TENT4A: variants seen among roughly 807,000 people sequenced by gnomAD.
The protein encoded by TENT4A is DNA polymerase kappa.
A neutral mutation model predicts 72.8 loss-of-function variants in TENT4A; 7 were observed. The ratio of observed to expected loss-of-function variants is 0.10; its 90% confidence interval spans 0.05 to 0.18. The LOEUF is 0.18. Among genes scored for constraint, TENT4A ranks in the 10% least tolerant of loss-of-function variants. The pLI is 1.00. For synonymous variants in TENT4A, 456 were observed against 434.3 expected (o/e 1.05, Z -0.62); for missense variants, 831 against 1,017.7 (o/e 0.82, Z 2.50).
chr5:6,713,842 CCCGCCG>C lies in TENT4A; in HGVS notation c.-121_-116del, dbSNP rs541247870. ...GAGCAGGAGGCCGGGGCTCGGCCCG[CCCGCCG>C]CCGCCGCCGCCGCCGCCGCCACCGG... On this transcript the variant is annotated 5_prime_UTR_variant, in exon 1 of 13. Coordinates refer to ENST00000230859, the MANE Select transcript of TENT4A (RefSeq NM_006999.6). The C allele has an allele frequency of 0.4, 63,038 of 156,272 alleles. 13,527 individuals carry two copies. The highest frequency in any genetic ancestry group is 0.49 in the East Asian group (2,384 of 4,838). 9.7% of individuals were successfully genotyped at this position (156,272 alleles called of 1,614,324 possible).
In TENT4A at chr5:6,739,764, A is replaced by C. The variant is rs143476341; in HGVS notation, c.920A>C (p.Glu307Ala). 1.5e-5 allele frequency: 25 copies of C among 1,613,970 alleles called. No homozygotes were observed. The African/African-American group carries it at 3.2e-4, about 21-fold the overall frequency. ...GACCTGGTGGTCTTCGGGAAATGGGAGCGTCCTCCTTTACAGCTGCTGGAG... is the reference window on the plus strand; with the variant it reads ...GACCTGGTGGTCTTCGGGAAATGGGCGCGTCCTCCTTTACAGCTGCTGGAG... Reference protein sequence around the residue: ...DIDLVVFGKWERPPLQLLEQA... With the variant: ...DIDLVVFGKWARPPLQLLEQA... Residue 307 changes from glutamate to alanine, a missense_variant, in exon 4 of 13, where the codon GAG becomes GCG. Glu to Ala is a moderately radical substitution (Grantham distance 107, BLOSUM62 -1). Transcript: ENST00000230859.
intron 1 of TENT4A, among the ~76,000 whole-genome samples, chr5:6,716,089 C>G (rs1288001345): frequency 6.6e-6 from 1 of 152,190 alleles, no homozygotes; most frequent in Non-Finnish European, 1.5e-5. Flanking sequence ...CTCTGCCAGT[C>G]TTGGGTTGTA....
At chr5:6,715,717 C>T (rs1281150192) in intron 1 of TENT4A, among the ~76,000 whole-genome samples, 1 of 152,210 alleles carries the variant, frequency 6.6e-6, no homozygotes, top group Non-Finnish European at 1.5e-5. Flanking sequence ...AACTCTTTTT[C>T]TCATTTGAAG....
chr5:6,719,479 G>A (rs1206724575), intron 1 of TENT4A, among the ~76,000 whole-genome samples: 3 of 152,216 alleles, frequency 2.0e-5, no homozygotes, highest in African/African-American at 7.2e-5. Context: ...CAGACTTGCA[G>A]AAGATTGAAG....
chr5:6,714,963 TGA>T, intron 1 of TENT4A: 1 of 212,928 alleles, frequency 4.7e-6, no homozygotes, highest in Non-Finnish European at 9.2e-6. Context: ...TTTTTACTCT[TGA>T]GATTGGAACG....
chr5:6,740,208 C>G (rs1456323054), intron 4 of TENT4A, among the ~76,000 whole-genome samples: 1 of 152,136 alleles, frequency 6.6e-6, no homozygotes, highest in East Asian at 1.9e-4. Flanking sequence ...GAGAGTGTGG[C>G]TCAATGATTA....
At position 6,713,570 on chromosome 5, in the gene TENT4A, G is replaced by C. The variant is rs187623656; in HGVS notation, c.-414G>C. 0.34 allele frequency: 50,224 copies of C among 146,730 alleles called. 8,774 individuals are homozygous for C. The highest frequency in any genetic ancestry group is 0.41 in the East Asian group (2,000 of 4,920). The allele number at this position is 146,730 out of a possible 1,614,324, so 9.1% of individuals were successfully genotyped here. A position where few individuals can be genotyped will look rare whatever the true frequency, so the allele number is the denominator to read the frequency against. On this transcript the variant is annotated 5_prime_UTR_variant, in exon 1 of 13. Coordinates refer to ENST00000230859, the MANE Select transcript of TENT4A (RefSeq NM_006999.6). ...GGCGCCTCCCGCGGGTCCTTCAGCC[G>C]CTCGGCGCCTGGGCCCGCCCCCTCG...
chr5:6,731,438 A>T (rs1297367899), intron 1 of TENT4A, among the ~76,000 whole-genome samples: 1 of 152,164 alleles, frequency 6.6e-6, no homozygotes, highest in East Asian at 1.9e-4. Context: ...AGAACTGTAG[A>T]CCTGAGTGTT....
At chr5:6,753,409 GA>G (rs1281370350) in intron 12 of TENT4A, among the ~76,000 whole-genome samples, 3 of 152,244 alleles carry the variant, frequency 2.0e-5, no homozygotes, top group Non-Finnish European at 2.9e-5. Context: ...ATCTTGCCAT[GA>G]TGTCCCGTGT....
chr5:6,739,626 C>G, intron 3 of TENT4A, 106 bp from the exon 4 acceptor site: 1 of 1,404,758 alleles, frequency 7.1e-7, no homozygotes, highest in Non-Finnish European at 9.8e-7. Flanking sequence ...GTGTCTTGGC[C>G]TTTGTGGGAG....
chr5:6,729,681 T>G (rs553513245), intron 1 of TENT4A, among the ~76,000 whole-genome samples: 1 of 152,358 alleles, frequency 6.6e-6, no homozygotes, highest in East Asian at 1.9e-4. Context: ...TGGCCTCTCC[T>G]TAATCTCTTT....
chr5:6,729,996 T>A (rs1741123106), intron 1 of TENT4A, among the ~76,000 whole-genome samples: 1 of 152,132 alleles, frequency 6.6e-6, no homozygotes, highest in African/African-American at 2.4e-5. Context: ...ATTCCCAAGT[T>A]AAGTATTTTT....
At chr5:6,751,230 G>A in intron 11 of TENT4A, 33 bp downstream of exon 11, 1 of 1,612,106 alleles carries the variant, frequency 6.2e-7, no homozygotes, top group Non-Finnish European at 8.5e-7. Context: ...TCCCGCTGGT[G>A]GCCCCTGGGA....
rs1438418902 is a variant in TENT4A, at chr5:6,714,709, CG to C, written c.716+14del. The C allele has an allele frequency of 6.3e-6, 7 of 1,114,472 alleles. No homozygotes were observed. In the East Asian group the frequency reaches 1.1e-4, roughly 18 times the overall value. The allele number at this position is 1,114,472 out of a possible 1,614,324, so 69.0% of individuals were successfully genotyped here. A position where few individuals can be genotyped will look rare whatever the true frequency, so the allele number is the denominator to read the frequency against. On this transcript the variant is annotated intron_variant, in intron 1 of 12. Coordinates refer to ENST00000230859, the MANE Select transcript of TENT4A (RefSeq NM_006999.6). The stretch of plus-strand genomic sequence containing the variant: ...GCCCGGGCATCCAGGGGTGAGTGCG[CG>C]GGGAGGCCGCGGGGGCGGGGGCGGG...
chr5:6,730,574 C>T (rs1437294987), intron 1 of TENT4A, among the ~76,000 whole-genome samples: 1 of 152,128 alleles, frequency 6.6e-6, no homozygotes, highest in African/African-American at 2.4e-5. Context: ...CTTCCCCTTA[C>T]ACGTGAGCCT....
intron 1 of TENT4A, among the ~76,000 whole-genome samples, chr5:6,717,040 A>AGCTGTGGTAGAGTTGGG (rs2126591998): frequency 1.3e-5 from 2 of 152,288 alleles, no homozygotes; most frequent in East Asian, 3.9e-4. Context: ...AGCAAACCTA[A>AGCTGTGGTAGAGTTGGG]GCTGTGGTAG....
intron 1 of TENT4A, among the ~76,000 whole-genome samples, chr5:6,724,549 G>C (rs1228236239): frequency 6.9e-6 from 1 of 144,024 alleles, no homozygotes; most frequent in Non-Finnish European, 1.5e-5. Context: ...GAGTGTGACA[G>C]GTGGAAGGAT....
chr5:6,728,512 C>G (rs1489244704), intron 1 of TENT4A, among the ~76,000 whole-genome samples: 1 of 152,166 alleles, frequency 6.6e-6, no homozygotes, highest in Non-Finnish European at 1.5e-5. Context: ...AGGGGCCTTG[C>G]CTTTGGCAGG....
chr5:6,751,927 C>T (rs375988264), intron 11 of TENT4A, among the ~76,000 whole-genome samples: 75 of 152,306 alleles, frequency 4.9e-4, no homozygotes, highest in Non-Finnish European at 9.4e-4. Flanking sequence ...CAGGATCCAC[C>T]GTGATTCTGG....
Sources: allele counts gnomAD v4.1 joint callset (sites outside exome capture counted in the v4.1 genomes callset), GRCh38; gene constraint gnomAD v4.1.1; transcripts MANE v1.5; gene names NCBI Gene and HGNC (gene_info 2026-07-23, HGNC 2026-07-21).